THOC5: variants seen among roughly 807,000 people sequenced by gnomAD.
The protein encoded by THOC5 is THO complex subunit 5, also known as Fms-interacting protein.
Under a neutral mutation model 92.9 loss-of-function variants are expected in THOC5, and 43 were observed. That is an observed-to-expected ratio of 0.46 (90% CI 0.36 to 0.60). The LOEUF is 0.60. Ranked by LOEUF, THOC5 falls within the 20% of genes least tolerant of loss-of-function variation. The pLI, the probability that THOC5 is intolerant of heterozygous loss-of-function variation, is 0.00. For synonymous variants in THOC5, 296 were observed against 320.1 expected, an observed-to-expected ratio of 0.92 and a Z score of 0.80; for missense variants, 659 against 849.4, an observed-to-expected ratio of 0.78 and a Z score of 2.79.
intron 7 of THOC5, chr22:29,534,955 T>C (rs2063727917): frequency 1.4e-5 from 1 of 72,562 alleles, no homozygotes; most frequent in Admixed American, 1.7e-4. Context: ...CGAGACTCTG[T>C]CTCAAAAAAA....
intron 8 of THOC5, among the ~76,000 whole-genome samples, chr22:29,530,325 C>A (rs1325132408): frequency 2.6e-5 from 4 of 151,878 alleles, no homozygotes; most frequent in African/African-American, 9.7e-5. Context: ...TCGAGACCAG[C>A]CTGGCCAACA....
At position 29,544,558 on chromosome 22, in the gene THOC5, G is replaced by C. The variant is rs1601455838; in HGVS notation, c.142C>G (p.Pro48Ala). 6.2e-7 allele frequency: 1 copy of C among 1,613,716 alleles called. No homozygotes were observed. The highest frequency in any genetic ancestry group is 8.5e-7 in the Non-Finnish European group (1 of 1,179,844). ...SEEAEVDLRD[P>A]GRDYELYKYT... ...TTGTATAACTCATAGTCTCTGCCAGGGTCCCGCAGATCCACCTCGGCCTCC... is the reference window on the plus strand; with the variant it reads ...TTGTATAACTCATAGTCTCTGCCAGCGTCCCGCAGATCCACCTCGGCCTCC... The change falls in exon 3 of 20, where the codon CCT becomes GCT. Residue 48 changes from proline (P) to alanine (A), a missense_variant. Coordinates refer to ENST00000490103, the MANE Select transcript of THOC5 (RefSeq NM_003678.5).
At chr22:29,517,467 G>T in intron 15 of THOC5, 101 bp from the exon 16 acceptor site, 2 of 995,770 alleles carry the variant, frequency 2.0e-6, no homozygotes, top group Non-Finnish European at 3.1e-6. Context: ...CAGATGGCCC[G>T]GCCAGCTATC....
intron 12 of THOC5, among the ~76,000 whole-genome samples, chr22:29,523,433 A>T (rs2063483655): frequency 6.6e-6 from 1 of 152,036 alleles, no homozygotes; most frequent in South Asian, 2.1e-4. Context: ...CCTGCCCTCT[A>T]CCCACCCCAC....
At chr22:29,537,114 A>G in intron 6 of THOC5, among the ~76,000 whole-genome samples, 1 of 152,214 alleles carries the variant, frequency 6.6e-6, no homozygotes, top group East Asian at 1.9e-4. Context: ...CTTCTGCTCC[A>G]TTTCTTGCTT....
rs759537366 is a variant in THOC5, at chr22:29,525,833, A to G, written c.1175+5T>C. The G allele has an allele frequency of 6.2e-6, 10 of 1,612,564 alleles. No homozygotes were observed. Among genetic ancestry groups the G allele is most frequent in the Admixed American group, 5.0e-5 (3 of 60,006 alleles). On this transcript the variant is annotated splice_donor_5th_base_variant and intron_variant, in intron 12 of 19. Transcript: ENST00000490103. Reference sequence around the variant, plus strand: ...ACGTCATTGCCCAGAGCGCCTGCTCAATACCCTGCACTGATGGGGGTGATC... The same window carrying G: ...ACGTCATTGCCCAGAGCGCCTGCTCGATACCCTGCACTGATGGGGGTGATC...
intron 8 of THOC5, chr22:29,531,401 C>T: frequency 1.0e-6 from 1 of 985,436 alleles, no homozygotes; most frequent in Non-Finnish European, 1.2e-6. Flanking sequence ...TGGAAATTCA[C>T]AACAAAGACA....
At chr22:29,547,230 T>G (rs1262884937) in intron 2 of THOC5, among the ~76,000 whole-genome samples, 1 of 152,118 alleles carries the variant, frequency 6.6e-6, no homozygotes, top group Non-Finnish European at 1.5e-5. Context: ...GTTCCACAAA[T>G]CTCTAAGGCA....
rs2063144350 is a variant in THOC5 at position 29,506,689 on chromosome 22, A to G, written c.*1768T>C. The stretch of plus-strand genomic sequence containing the variant: ...GACCCTGTCTCAATAAAAAAAAAAT[A>G]TTCTCCTCAAATGTTACCTGGTCTC... On this transcript the variant is annotated 3_prime_UTR_variant, in exon 20 of 20. Transcript: ENST00000490103. 1 of 152,098 alleles carries G rather than the reference A, an allele frequency of 6.6e-6. No individual in the cohort carries two copies. The highest frequency in any genetic ancestry group is 1.5e-5 in the Non-Finnish European group (1 of 68,124). The allele number at this position is 152,098 out of a possible 1,614,324, so 9.4% of individuals were successfully genotyped here.
In THOC5 at chr22:29,528,666, ATAACTCATTTT is replaced by A. The variant is rs141845902; in HGVS notation, c.926-211_926-201del. On this transcript the variant is annotated intron_variant, in intron 9 of 19. Transcript: ENST00000490103. ...AAAAAAGAAAAAAGAAGAATGACGT[ATAACTCATTTT>A]TTTCAAAGGGCTTTTTGATGTCATT... Among the ~76,000 whole-genome samples, 1,599 of 152,360 alleles carry A rather than the reference ATAACTCATTTT, an allele frequency of 0.01. 69 individuals are homozygous for A. The South Asian group carries it at 0.12, about 11-fold the overall frequency.
At chr22:29,535,298 G>A (rs1231209879) in intron 7 of THOC5, 2 of 151,632 alleles carry the variant, frequency 1.3e-5, no homozygotes, top group Non-Finnish European at 2.9e-5. Flanking sequence ...AAAGTCATGG[G>A]GGGCGGTGGC....
At chr22:29,517,231 C>T (rs1435822077) in intron 16 of THOC5, 32 bp downstream of exon 16, 3 of 1,610,232 alleles carry the variant, frequency 1.9e-6, no homozygotes, top group African/African-American at 1.3e-5. Flanking sequence ...ATCCTCAGGA[C>T]AGTAAGGGTA....
chr22:29,546,218 G>C (rs1304883231), intron 2 of THOC5, among the ~76,000 whole-genome samples: 1 of 152,118 alleles, frequency 6.6e-6, no homozygotes, highest in Non-Finnish European at 1.5e-5. Context: ...AGGGACCCTG[G>C]GCCTGGCCCA....
In THOC5 at chr22:29,536,603, CA is replaced by C; in HGVS notation, c.714+20del. The C allele has an allele frequency of 6.6e-7, 1 of 1,514,930 alleles. No individual in the cohort carries two copies. Among genetic ancestry groups the C allele is most frequent in the Non-Finnish European group, 9.2e-7 (1 of 1,089,686 alleles). The allele number at this position is 1,514,930 out of a possible 1,614,324, so 93.8% of individuals were successfully genotyped here. ...CGCCTGGTCAGTGGTGAAGGCAAAG[CA>C]AAAGGCCAGAGGGCCCCACCTGCAT... On this transcript the variant is annotated intron_variant, in intron 7 of 19. Coordinates refer to ENST00000490103, the MANE Select transcript of THOC5 (RefSeq NM_003678.5).
rs2063533872 is a variant in THOC5, at chr22:29,525,927, C to T, written c.1086G>A (p.Leu362=). 6.2e-7 allele frequency: 1 copy of T among 1,613,394 alleles called. No homozygotes were observed. Among genetic ancestry groups the T allele is most frequent in the Non-Finnish European group, 8.5e-7 (1 of 1,179,846 alleles). ...LKCKDDSVLH[L]TFYYLMNLNI... is the part of the protein sequence containing the mutation. ...TGAGGTTCATGAGGTAGTAGAAAGT[C>T]AGGTGAAGCACACTGTCATCTGGAG... Residue 362 remains leucine (L), a synonymous_variant, in exon 12 of 20, where the codon CTG becomes CTA. Coordinates refer to ENST00000490103, the MANE Select transcript of THOC5 (RefSeq NM_003678.5).
At chr22:29,550,061 C>A (rs1269120541) in intron 1 of THOC5, among the ~76,000 whole-genome samples, 1 of 152,086 alleles carries the variant, frequency 6.6e-6, no homozygotes, top group Non-Finnish European at 1.5e-5. Flanking sequence ...AAATTAGTAT[C>A]CAAACTCCTC....
chr22:29,542,696 G>A (rs1256904398), intron 5 of THOC5, among the ~76,000 whole-genome samples, 163 bp downstream of exon 5: 1 of 151,972 alleles, frequency 6.6e-6, no homozygotes, highest in Non-Finnish European at 1.5e-5. Flanking sequence ...CCCGGGAGGT[G>A]GAGGTTGCAG....
Position 29,542,839 on chromosome 22 carries a change from C to G in THOC5, c.452+20G>C. The G allele has an allele frequency of 6.4e-7, 1 of 1,571,080 alleles. No homozygotes were observed. On this transcript the variant is annotated intron_variant, in intron 5 of 19. Transcript: ENST00000490103. ...TACCGAAAGACCACATGTGCCAAAG[C>G]CCTGTCCTCCCAAACTCACTTAAAC...
At chr22:29,535,721 C>T (rs2063746577) in intron 7 of THOC5, 1 of 152,208 alleles carries the variant, frequency 6.6e-6, no homozygotes, top group Non-Finnish European at 1.5e-5. Flanking sequence ...TTTAACCATG[C>T]AGAGGCTTTG....
Sources: gnomAD v4.1 joint callset for allele counts (sites outside exome capture counted in the v4.1 genomes callset) on GRCh38, gnomAD v4.1.1 for gene constraint, MANE v1.5 for transcripts, NCBI Gene and HGNC (gene_info 2026-07-23, HGNC 2026-07-21) for gene names.